The following FAF1 variants were observed in gnomAD, a reference collection of about 807,000 sequenced individuals.
The protein encoded by FAF1 is Fas associated factor 1, also known as FAS-associated factor 1.
A neutral mutation model predicts 92.5 loss-of-function variants in FAF1; 25 were observed. That is an observed-to-expected ratio of 0.27 (90% confidence interval 0.20 to 0.38). The LOEUF is 0.38. Ranked by LOEUF, FAF1 falls within the 10% of genes least tolerant of loss-of-function variation. The pLI, the probability that FAF1 is intolerant of heterozygous loss-of-function variation, is 1.00. For synonymous variants in FAF1, 234 were observed against 273.2 expected (o/e 0.86, Z 1.42); for missense variants, 636 against 793.3 (o/e 0.80, Z 2.38).
intron 18 of FAF1, among the ~76,000 whole-genome samples, chr1:50,458,866 T>C (rs899337430): frequency 2.0e-5 from 3 of 152,186 alleles, no homozygotes; most frequent in Non-Finnish European, 4.4e-5. Context: ...GAAACTGAGC[T>C]ACCTAGAGGC....
intron 1 of FAF1, among the ~76,000 whole-genome samples, chr1:50,872,848 G>A (rs1464772180): frequency 6.6e-6 from 1 of 151,640 alleles, no homozygotes; most frequent in African/African-American, 2.4e-5. Context: ...GCAGTGAGCC[G>A]AGATTGCGCC....
chr1:50,937,296 T>A (rs182476131), intron 1 of FAF1, among the ~76,000 whole-genome samples: 39 of 152,194 alleles, frequency 2.6e-4, no homozygotes, highest in Admixed American at 3.9e-4. Context: ...AAGTGTTTCA[T>A]TGACAGACAA....
chr1:50,627,572 G>GA (rs1248336442), intron 8 of FAF1, among the ~76,000 whole-genome samples: 1 of 151,946 alleles, frequency 6.6e-6, no homozygotes, highest in African/African-American at 2.4e-5. Flanking sequence ...GACAAAGAAG[G>GA]AAGGAAAGGA....
Position 50,557,898 on chromosome 1 carries a change from T to G in FAF1, c.1268+9179A>C, listed in dbSNP as rs567219964. ...TATATATATTTAAGATATTTCACTT[T>G]ATAAATATCTTATTTATTTATTTAT... On this transcript the variant is annotated intron_variant, in intron 13 of 18. Coordinates refer to ENST00000396153, the MANE Select transcript of FAF1 (RefSeq NM_007051.3). Among the ~76,000 whole-genome samples the G allele has an allele frequency of 2.0e-4, 30 of 150,384 alleles. No individual in the cohort carries two copies. The South Asian group carries it at 3.4e-3, about 17-fold the overall frequency.
intron 15 of FAF1, among the ~76,000 whole-genome samples, chr1:50,517,120 T>C (rs1341927101): frequency 6.6e-6 from 1 of 152,220 alleles, no homozygotes; most frequent in South Asian, 2.1e-4. Context: ...GCAGTATTTT[T>C]CTAATAAAAG....
intron 7 of FAF1, among the ~76,000 whole-genome samples, chr1:50,666,855 A>G (rs918753225): frequency 2.0e-5 from 3 of 152,196 alleles, no homozygotes; most frequent in African/African-American, 7.2e-5. Context: ...ACTGCACTAC[A>G]GTCTGGGTGA....
At chr1:50,669,568 T>A (rs562692482) in intron 7 of FAF1, among the ~76,000 whole-genome samples, 1 of 150,908 alleles carries the variant, frequency 6.6e-6, no homozygotes, top group African/African-American at 2.4e-5. Context: ...ATAAAAAAAA[T>A]TGGGGGAAAA....
chr1:50,479,930 A>G (rs1646681294), intron 17 of FAF1, among the ~76,000 whole-genome samples: 1 of 152,204 alleles, frequency 6.6e-6, no homozygotes, highest in South Asian at 2.1e-4. Flanking sequence ...TCAGTAGTTC[A>G]GTTTCAAACA....
chr1:50,956,849 G>A (rs959769487), intron 1 of FAF1, among the ~76,000 whole-genome samples: 1 of 152,208 alleles, frequency 6.6e-6, no homozygotes, highest in African/African-American at 2.4e-5. Flanking sequence ...TCAGTAGGCT[G>A]AGGCAGGAGA....
intron 8 of FAF1, among the ~76,000 whole-genome samples, chr1:50,610,990 A>G (rs918384547): frequency 5.9e-5 from 9 of 152,254 alleles, no homozygotes; most frequent in Non-Finnish European, 1.2e-4. Flanking sequence ...AGCTTTGTGC[A>G]GCATCTGAAT....
intron 8 of FAF1, chr1:50,606,891 G>A (rs1652455343): frequency 6.6e-6 from 1 of 152,138 alleles, no homozygotes; most frequent in Non-Finnish European, 1.5e-5. Context: ...ACATAGCCAT[G>A]TCCAAAAGTG....
At chr1:50,706,941 C>T (rs140172049) in intron 6 of FAF1, among the ~76,000 whole-genome samples, 8,378 of 152,202 alleles carry the variant, frequency 0.055, 305 homozygotes, top group African/African-American at 0.1. Flanking sequence ...CGGTGGCTCA[C>T]GCCTGTAATC....
At chr1:50,865,765 C>A (rs1324886444) in intron 1 of FAF1, among the ~76,000 whole-genome samples, 1 of 142,300 alleles carries the variant, frequency 7.0e-6, no homozygotes, top group African/African-American at 2.6e-5. Flanking sequence ...GTGCAGCACA[C>A]CAGCATGGCA....
chr1:50,838,259 T>C (rs1210177185), intron 2 of FAF1, among the ~76,000 whole-genome samples: 1 of 152,026 alleles, frequency 6.6e-6, no homozygotes, highest in Non-Finnish European at 1.5e-5. Context: ...GAAGAATCTA[T>C]ACTTGAGGAT....
chr1:50,738,765 CTT>C lies in FAF1; in HGVS notation c.551+96_551+97del. 5.3e-6 allele frequency: 4 copies of C among 751,572 alleles called. No individual in the cohort carries two copies. The South Asian group carries it at 7.1e-5, about 13-fold the overall frequency. 46.6% of individuals were successfully genotyped at this position (751,572 alleles called of 1,614,324 possible). A position where few individuals can be genotyped will look rare whatever the true frequency, so the allele number is the denominator to read the frequency against. On this transcript the variant is annotated intron_variant, in intron 6 of 18. Coordinates refer to ENST00000396153, the MANE Select transcript of FAF1 (RefSeq NM_007051.3). The stretch of plus-strand genomic sequence containing the variant: ...GTTGGTAAGGTCAATTTCAACAAGA[CTT>C]GTATTTGATTTAATTTTGAGGTTTA...
intron 15 of FAF1, among the ~76,000 whole-genome samples, chr1:50,510,705 T>A (rs1054672076): frequency 6.6e-6 from 1 of 152,210 alleles, no homozygotes; most frequent in African/African-American, 2.4e-5. Context: ...CTGACAACAT[T>A]CTTATTTTTC....
chr1:50,479,372 T>G (rs1646674457), intron 17 of FAF1, among the ~76,000 whole-genome samples: 1 of 152,220 alleles, frequency 6.6e-6, no homozygotes, highest in Non-Finnish European at 1.5e-5. Flanking sequence ...GATGGGAGAC[T>G]CTGCTTCTAA....
chr1:50,942,337 CA>C (rs1645140296), intron 1 of FAF1, among the ~76,000 whole-genome samples: 1 of 151,950 alleles, frequency 6.6e-6, no homozygotes, highest in Non-Finnish European at 1.5e-5. Context: ...CCCATCTCTA[CA>C]AAAAGTGTAT....
intron 8 of FAF1, among the ~76,000 whole-genome samples, chr1:50,600,394 C>G (rs1317867162): frequency 6.6e-6 from 1 of 152,138 alleles, no homozygotes; most frequent in African/African-American, 2.4e-5. Flanking sequence ...TTAATTCAAA[C>G]TGTGAGGCAG....
Sources: gnomAD v4.1 joint callset for allele counts (sites outside exome capture counted in the v4.1 genomes callset) on GRCh38, gnomAD v4.1.1 for gene constraint, MANE v1.5 for transcripts, NCBI Gene and HGNC (gene_info 2026-07-23, HGNC 2026-07-21) for gene names.